The following NLRC4 variants were observed in gnomAD, a reference collection of about 807,000 sequenced individuals.
The protein encoded by NLRC4 is NLR family CARD domain containing 4, also known as NLR family CARD domain-containing protein 4.
NLRC4 carries 63 observed loss-of-function variants against 79.9 expected under a neutral mutation model. The observed-to-expected ratio is 0.79, with a 90% CI of 0.64 to 0.97. NLRC4 has a LOEUF of 0.97. Among genes scored for constraint, NLRC4 ranks in the 50% least tolerant of loss-of-function variants. The pLI is 0.00. For missense variants in NLRC4, 1,074 were observed against 1,215.2 expected (o/e 0.88, Z 1.73); for synonymous variants, 461 against 456.5 (o/e 1.01, Z -0.12).
intron 8 of NLRC4, among the ~76,000 whole-genome samples, chr2:32,230,458 C>T (rs1160976998): frequency 6.6e-6 from 1 of 151,260 alleles, no homozygotes; most frequent in African/African-American, 2.4e-5. Context: ...AGCCACTGGG[C>T]CCAGCCCCCG....
rs562991882 is a variant in NLRC4 at position 32,260,963 on chromosome 2, C to CA, written c.-119+3774dup. Among the ~76,000 whole-genome samples the CA allele has an allele frequency of 2.7e-3, 404 of 152,168 alleles. 3 individuals are homozygous for CA. Among genetic ancestry groups the CA allele is most frequent in the African/African-American group, 9.3e-3 (385 of 41,516 alleles). ...ATCCCAGCACTTTGGGAGGCTGAGGCAGGCGGATCACAAAGTCAGGAGATC... is the reference window on the plus strand; with the variant it reads ...ATCCCAGCACTTTGGGAGGCTGAGGCAAGGCGGATCACAAAGTCAGGAGATC... On this transcript the variant is annotated intron_variant, in intron 1 of 8. Transcript: ENST00000402280.
chr2:32,225,899 T>C lies in NLRC4; in HGVS notation c.2783-1134A>G, dbSNP rs1001257498. ...ATTTGTTGTATATTAAACTTGTGTTTCTTGGGAGATGTGTAATATTAGATA... is the reference window on the plus strand; with the variant it reads ...ATTTGTTGTATATTAAACTTGTGTTCCTTGGGAGATGTGTAATATTAGATA... On this transcript the variant is annotated intron_variant, in intron 8 of 8. Coordinates refer to ENST00000402280, the MANE Select transcript of NLRC4 (RefSeq NM_001199138.2). 4.6e-5 allele frequency among the ~76,000 whole-genome samples: 7 copies of C among 152,344 alleles called. No individual in the cohort carries two copies. In the East Asian group the frequency reaches 1.4e-3, roughly 29 times the overall value.
chr2:32,255,340 G>C (rs1300880975), intron 2 of NLRC4, among the ~76,000 whole-genome samples: 1 of 151,988 alleles, frequency 6.6e-6, no homozygotes, highest in Non-Finnish European at 1.5e-5. Context: ...GACCAACATG[G>C]AGAAACCCTG....
At chr2:32,237,613 A>G (rs903053767) in intron 6 of NLRC4, among the ~76,000 whole-genome samples, 22 of 152,256 alleles carry the variant, frequency 1.4e-4, no homozygotes, top group African/African-American at 5.1e-4. Context: ...TGTCTGAATT[A>G]CACATGTATA....
In NLRC4 at chr2:32,261,316, C is replaced by CCCTTTT; in HGVS notation, c.-119+3421_-119+3422insAAAAGG. Among the ~76,000 whole-genome samples, 84 of 96,912 alleles carry CCCTTTT rather than the reference C, an allele frequency of 8.7e-4. 8 individuals carry two copies. The highest frequency in any genetic ancestry group is 3.0e-3 in the African/African-American group (73 of 24,220). The allele number at this position is 96,912 out of a possible 152,430, so 63.6% of individuals were successfully genotyped here. Reference sequence around the variant, plus strand: ...TTCTTTCGCCTATTAAGCCTCCCCCCTTTTGTTTTTTTTTGAGATGGAGCC... The same window carrying CCCTTTT: ...TTCTTTCGCCTATTAAGCCTCCCCCCCCTTTTTTTTGTTTTTTTTTGAGATGGAGCC... On this transcript the variant is annotated intron_variant, in intron 1 of 8. Transcript: ENST00000402280.
rs1436221953 is a variant in NLRC4 at position 32,250,547 on chromosome 2, A to G, written c.1317T>C (p.Tyr439=). The change falls in exon 4 of 9, where the codon TAT becomes TAC. Residue 439 remains tyrosine, a synonymous_variant. Coordinates refer to ENST00000402280, the MANE Select transcript of NLRC4 (RefSeq NM_001199138.2). The surrounding 1 kb of genome is among the most constrained non-coding windows in gnomAD (Gnocchi z 4.9). ...CCTGGAATGACTTGTGAAAGAATTT[A>G]TACTTTGGCTTGAACCTTTGAGCTG... is the stretch of plus-strand genomic sequence containing the variant. ...KYTAQRFKPK[Y]KFFHKSFQEY... The G allele has an allele frequency of 6.2e-7, 1 of 1,614,216 alleles. No individual in the cohort carries two copies. Among genetic ancestry groups the G allele is most frequent in the South Asian group, 1.1e-5 (1 of 91,086 alleles).
intron 5 of NLRC4, among the ~76,000 whole-genome samples, chr2:32,240,602 C>G (rs754735143): frequency 2.0e-5 from 3 of 152,026 alleles, no homozygotes; most frequent in Non-Finnish European, 4.4e-5. Context: ...TGAAAGCATG[C>G]TTCCCCCAAA....
At chr2:32,233,350 T>TATATATATATATATATATA (rs1491211096) in intron 8 of NLRC4, among the ~76,000 whole-genome samples, 7 of 24,414 alleles carry the variant, frequency 2.9e-4, no homozygotes, top group African/African-American at 7.6e-4. Flanking sequence ...TATATATATA[T>TATATATATATATATATATA]TTTTTTTTTT....
intron 4 of NLRC4, among the ~76,000 whole-genome samples, chr2:32,245,295 A>G (rs759224945): frequency 1.3e-3 from 173 of 132,448 alleles, no homozygotes; most frequent in Non-Finnish European, 2.3e-3. Context: ...TGGGCGACAG[A>G]GTGAGACTCC....
intron 4 of NLRC4, among the ~76,000 whole-genome samples, chr2:32,243,522 G>A (rs1686854374): frequency 1.3e-5 from 2 of 150,950 alleles, no homozygotes; most frequent in Non-Finnish European, 3.0e-5. Flanking sequence ...GAATATTACG[G>A]CAGGCGTGGT....
intron 8 of NLRC4, among the ~76,000 whole-genome samples, chr2:32,231,573 GT>G (rs67288505): frequency 0.021 from 592 of 28,054 alleles, 64 homozygotes; most frequent in African/African-American, 0.057. Flanking sequence ...ATTTTTTTTT[GT>G]GGGGGGGGGG....
chr2:32,254,515 C>T (rs1324751235), intron 2 of NLRC4, among the ~76,000 whole-genome samples: 1 of 151,798 alleles, frequency 6.6e-6, no homozygotes, highest in Non-Finnish European at 1.5e-5. Flanking sequence ...GGCACTGTAC[C>T]CACGCTATGT....
At chr2:32,236,223 T>A in intron 7 of NLRC4, 24 bp downstream of exon 7, 1 of 1,457,940 alleles carries the variant, frequency 6.9e-7, no homozygotes, top group South Asian at 1.2e-5. Context: ...AAGTATCTAA[T>A]TTTGGCTGAA....
rs745592375 is a variant in NLRC4 at position 32,251,167 on chromosome 2, T to C, written c.697A>G (p.Met233Val). 1 of 1,614,224 alleles carries C rather than the reference T, an allele frequency of 6.2e-7. No individual in the cohort carries two copies. The highest frequency in any genetic ancestry group is 8.5e-7 in the Non-Finnish European group (1 of 1,180,026). The change falls in exon 4 of 9, where the codon ATG becomes GTG. Residue 233 changes from methionine (M) to valine (V), a missense_variant. Physicochemically the swap from Met to Val is conservative, Grantham distance 21. Coordinates refer to ENST00000402280, the MANE Select transcript of NLRC4 (RefSeq NM_001199138.2). ...IPGTIRKQTF[M>V]AMLLKLRQRV... ...TGCCGCAGCTTCAGCAGCATGGCCATGAATGTCTGCTTCCTGATTGTGCCA... is the reference window on the plus strand; with the variant it reads ...TGCCGCAGCTTCAGCAGCATGGCCACGAATGTCTGCTTCCTGATTGTGCCA...
intron 1 of NLRC4, among the ~76,000 whole-genome samples, chr2:32,261,300 C>G (rs1162199207): frequency 8.0e-6 from 1 of 124,922 alleles, no homozygotes; most frequent in Non-Finnish European, 1.7e-5. Flanking sequence ...TTTCTTTCGC[C>G]TATTAAGCCT....
At chr2:32,242,463 C>T (rs912786415) in intron 4 of NLRC4, among the ~76,000 whole-genome samples, 9 of 152,134 alleles carry the variant, frequency 5.9e-5, no homozygotes, top group South Asian at 2.1e-4. Flanking sequence ...TCATGTGATA[C>T]GGAGTAGGTA....
rs58301612 is a variant in NLRC4 at position 32,245,310 on chromosome 2, C to CAAAAA, written c.2258-4190_2258-4186dup. Among the ~76,000 whole-genome samples the CAAAAA allele has an allele frequency of 3.1e-3, 243 of 77,942 alleles. 7 individuals carry two copies. The highest frequency in any genetic ancestry group is 0.013 in the African/African-American group (238 of 18,988). 51.1% of individuals were successfully genotyped at this position (77,942 alleles called of 152,430 possible). A position where few individuals can be genotyped will look rare whatever the true frequency, so the allele number is the denominator to read the frequency against. On this transcript the variant is annotated intron_variant, in intron 4 of 8. Coordinates refer to ENST00000402280, the MANE Select transcript of NLRC4 (RefSeq NM_001199138.2). ...TGGGCGACAGAGTGAGACTCCTTCT[C>CAAAAA]AAAAAAAAAAAAAAAAAAAAAAACA... is the stretch of plus-strand genomic sequence containing the variant.
intron 7 of NLRC4, 75 bp from the exon 8 acceptor site, chr2:32,235,643 G>T: frequency 8.2e-7 from 1 of 1,213,840 alleles, no homozygotes; most frequent in Non-Finnish European, 1.2e-6. Context: ...GTTAGGGGAG[G>T]AATGATCTTT....
rs188316964 is a variant in NLRC4, at chr2:32,240,469, G to A, written c.2350+564C>T. ...ACATTCAAGGAAAGCAGCTTTAACA[G>A]GAATCCTCCCTGGCCTGCAGGGCCT... On this transcript the variant is annotated intron_variant, in intron 5 of 8. Coordinates refer to ENST00000402280, the MANE Select transcript of NLRC4 (RefSeq NM_001199138.2). Among the ~76,000 whole-genome samples, 548 of 151,168 alleles carry A rather than the reference G, an allele frequency of 3.6e-3. 1 individual carries two copies. Among genetic ancestry groups the A allele is most frequent in the Non-Finnish European group, 5.2e-3 (350 of 67,916 alleles).
Sources: allele counts gnomAD v4.1 joint callset (sites outside exome capture counted in the v4.1 genomes callset), GRCh38; gene constraint gnomAD v4.1.1; non-coding constraint Gnocchi (gnomAD v3.1); transcripts MANE v1.5; gene names NCBI Gene and HGNC (gene_info 2026-07-23, HGNC 2026-07-21).